Variants in ADGRV1 observed in about 807,000 individuals in gnomAD.
ADGRV1 encodes G-protein coupled receptor 98.
A neutral mutation model predicts 596.2 loss-of-function variants in ADGRV1; 359 were observed. That is an observed-to-expected ratio of 0.60 (90% CI 0.55 to 0.66). The LOEUF (loss-of-function observed/expected upper bound fraction) is 0.66, where lower values mean the gene tolerates loss of function less well. Among genes scored for constraint, ADGRV1 ranks in the 30% least tolerant of loss-of-function variants. The pLI is 0.00. For missense variants in ADGRV1, 7,274 were observed against 7,575.6 expected, an observed-to-expected ratio of 0.96 and a Z score of 1.48; for synonymous variants, 2,681 against 2,679.2, an observed-to-expected ratio of 1.00 and a Z score of -0.02.
At chr5:90,588,611 G>T (rs182820690) in intron 1 of ADGRV1, among the ~76,000 whole-genome samples, 171 of 152,366 alleles carry the variant, frequency 1.1e-3, no homozygotes, top group African/African-American at 3.7e-3. Flanking sequence ...AGGCAGAGGG[G>T]CTTCTAGTGA....
At chr5:91,105,921 A>G (rs1039235889) in intron 87 of ADGRV1, among the ~76,000 whole-genome samples, 6 of 150,946 alleles carry the variant, frequency 4.0e-5, no homozygotes, top group Non-Finnish European at 5.9e-5. Context: ...AATTTTATAA[A>G]TAGATTCTTA....
In ADGRV1 at chr5:91,088,373, A is replaced by T. The variant is rs528340233; in HGVS notation, c.18311-13846A>T. On this transcript the variant is annotated intron_variant, in intron 86 of 89. Transcript: ENST00000405460. ...AGCTGCTTTGCTACCATGAAAAAAA[A>T]TTTTTTTTACAAACATCTTTCACAG... 1.1e-4 allele frequency among the ~76,000 whole-genome samples: 17 copies of T among 152,122 alleles called. No individual in the cohort carries two copies. The South Asian group carries it at 1.7e-3, about 15-fold the overall frequency.
chr5:90,861,237 G>A (rs1220988551), intron 82 of ADGRV1, among the ~76,000 whole-genome samples: 1 of 151,994 alleles, frequency 6.6e-6, no homozygotes, highest in Non-Finnish European at 1.5e-5. Context: ...AAACTGTTCA[G>A]AGTATACCTT....
intron 87 of ADGRV1, among the ~76,000 whole-genome samples, chr5:91,128,012 T>A (rs1344195491): frequency 6.6e-6 from 1 of 152,052 alleles, no homozygotes; most frequent in East Asian, 1.9e-4. Flanking sequence ...TCAACAGCCT[T>A]GTCCTCAAAA....
At chr5:91,140,832 C>T (rs1338007327) in intron 87 of ADGRV1, among the ~76,000 whole-genome samples, 2 of 152,178 alleles carry the variant, frequency 1.3e-5, no homozygotes, top group African/African-American at 2.4e-5. Context: ...GACTGATTAG[C>T]GTTCCATGCT....
intron 32 of ADGRV1, among the ~76,000 whole-genome samples, chr5:90,693,453 T>A (rs983925398): frequency 2.0e-5 from 3 of 149,354 alleles, no homozygotes; most frequent in African/African-American, 7.3e-5. Flanking sequence ...ATTTTTTAAA[T>A]TTTTTTTTTT....
At chr5:90,915,434 C>G (rs1464541128) in intron 83 of ADGRV1, among the ~76,000 whole-genome samples, 1 of 152,152 alleles carries the variant, frequency 6.6e-6, no homozygotes, top group Non-Finnish European at 1.5e-5. Flanking sequence ...TTATTAATCT[C>G]TGTGTCCTTT....
rs1760052197 is a variant in ADGRV1, at chr5:90,791,315, A to G, written c.14486A>G (p.Tyr4829Cys). The change falls in exon 70 of 90, where the codon TAT becomes TGT. Residue 4829 changes from tyrosine (Y) to cysteine (C), a missense_variant. Tyr to Cys is a radical substitution (Grantham distance 194). Transcript: ENST00000405460. The part of the protein sequence containing the change: ...RQLVVKDGAT[Y>C]KVDVVPIKNQ... ...CTGGTGGTCAAAGATGGTGCCACATATAAAGTGGACGTGGTGCCAATAAAG... is the reference window on the plus strand; with the variant it reads ...CTGGTGGTCAAAGATGGTGCCACATGTAAAGTGGACGTGGTGCCAATAAAG... 1 of 1,582,266 alleles carries G rather than the reference A, an allele frequency of 6.3e-7. No individual in the cohort carries two copies. Among genetic ancestry groups the G allele is most frequent in the Non-Finnish European group, 8.6e-7 (1 of 1,162,976 alleles).
Position 90,625,448 on chromosome 5 carries a change from A to G in ADGRV1, c.672+205A>G, listed in dbSNP as rs1764613661. The G allele has an allele frequency of 1.0e-5, 4 of 394,108 alleles. No individual in the cohort carries two copies. The East Asian group carries it at 1.5e-4, about 15-fold the overall frequency. 24.4% of individuals were successfully genotyped at this position (394,108 alleles called of 1,614,324 possible). ...ATGAATCTGAATATAACTGGCAACCATACATCATACAAATATTTAAGCATT... is the reference window on the plus strand; with the variant it reads ...ATGAATCTGAATATAACTGGCAACCGTACATCATACAAATATTTAAGCATT... On this transcript the variant is annotated intron_variant, in intron 6 of 89. Coordinates refer to ENST00000405460, the MANE Select transcript of ADGRV1 (RefSeq NM_032119.4).
intron 83 of ADGRV1, among the ~76,000 whole-genome samples, chr5:90,880,274 A>G (rs1391236710): frequency 6.6e-6 from 1 of 152,230 alleles, no homozygotes; most frequent in Non-Finnish European, 1.5e-5. Context: ...ACACAGGTGT[A>G]TAAAAAATGT....
At chr5:90,976,521 C>A (rs1412888527) in intron 84 of ADGRV1, among the ~76,000 whole-genome samples, 1 of 151,716 alleles carries the variant, frequency 6.6e-6, no homozygotes, top group African/African-American at 2.4e-5. Context: ...TCCTTGAACA[C>A]CCTTGCACTC....
At chr5:90,847,284 A>G (rs1321058200) in intron 78 of ADGRV1, among the ~76,000 whole-genome samples, 1 of 152,070 alleles carries the variant, frequency 6.6e-6, no homozygotes, top group Non-Finnish European at 1.5e-5. Flanking sequence ...GATTAACTAG[A>G]TACAGAGTGC....
chr5:91,068,054 T>G (rs190377896), intron 85 of ADGRV1, among the ~76,000 whole-genome samples: 10 of 152,258 alleles, frequency 6.6e-5, no homozygotes, highest in Non-Finnish European at 1.5e-4. Flanking sequence ...AGCCAAGAAA[T>G]TTATCATTTT....
chr5:90,914,642 G>C (rs1773185472), intron 83 of ADGRV1, among the ~76,000 whole-genome samples: 1 of 152,088 alleles, frequency 6.6e-6, no homozygotes. Flanking sequence ...TAAAAGAGAT[G>C]ATTTCCCCAT....
intron 1 of ADGRV1, among the ~76,000 whole-genome samples, chr5:90,585,023 G>C (rs1010986462): frequency 9.2e-5 from 14 of 151,952 alleles, no homozygotes; most frequent in African/African-American, 2.7e-4. Context: ...TGGTTTCTGG[G>C]TTACTTTAAA....
At chr5:91,086,092 A>G (rs186978407) in intron 86 of ADGRV1, among the ~76,000 whole-genome samples, 2 of 152,256 alleles carry the variant, frequency 1.3e-5, no homozygotes, top group Non-Finnish European at 2.9e-5. Flanking sequence ...ACGACACCCT[A>G]TTCTTTTACA....
At chr5:90,926,043 A>G (rs990026778) in intron 83 of ADGRV1, among the ~76,000 whole-genome samples, 2 of 128,984 alleles carry the variant, frequency 1.6e-5, no homozygotes, top group Non-Finnish European at 3.3e-5. Context: ...CCAGTATTTT[A>G]TTGAGGATTT....
rs1764353620 is a variant in ADGRV1, at chr5:90,623,479, A to G, written c.558+778A>G. 2.6e-5 allele frequency among the ~76,000 whole-genome samples: 4 copies of G among 152,012 alleles called. 1 individual carries two copies. The South Asian group carries it at 8.3e-4, about 32-fold the overall frequency. Reference sequence around the variant, plus strand: ...CAGGCTGGAGTACAGTGGCACTATCATGGCTCACTGCAGCCTCAACCTCCT... The same window carrying G: ...CAGGCTGGAGTACAGTGGCACTATCGTGGCTCACTGCAGCCTCAACCTCCT... On this transcript the variant is annotated intron_variant, in intron 5 of 89. Transcript: ENST00000405460.
intron 85 of ADGRV1, among the ~76,000 whole-genome samples, chr5:90,997,142 G>A (rs1781484781): frequency 6.6e-6 from 1 of 152,154 alleles, no homozygotes; most frequent in Admixed American, 6.5e-5. Context: ...TGAAATGTGA[G>A]GACATGAGAT....
Sources: gnomAD v4.1 joint callset for allele counts (sites outside exome capture counted in the v4.1 genomes callset) on GRCh38, gnomAD v4.1.1 for gene constraint, MANE v1.5 for transcripts, NCBI Gene and HGNC (gene_info 2026-07-23, HGNC 2026-07-21) for gene names.